Variants in AGBL1 observed in about 807,000 individuals in gnomAD.
AGBL1 encodes AGBL carboxypeptidase 1.
Under a neutral mutation model 118.9 loss-of-function variants are expected in AGBL1, and 130 were observed. The ratio of observed to expected loss-of-function variants is 1.09; its 90% confidence interval spans 0.95 to 1.26. AGBL1 has a LOEUF of 1.26. Ranked by LOEUF, AGBL1 falls within the 50% of genes most tolerant of loss-of-function variation. The pLI is 0.00. For synonymous variants in AGBL1, 555 were observed against 478.9 expected, an observed-to-expected ratio of 1.16 and a Z score of -2.08; for missense variants, 1,584 against 1,298.1, an observed-to-expected ratio of 1.22 and a Z score of -3.38.
At chr15:86,850,551 C>T (rs552608657) in intron 22 of AGBL1, among the ~76,000 whole-genome samples, 1 of 152,308 alleles carries the variant, frequency 6.6e-6, no homozygotes, top group South Asian at 2.1e-4. Flanking sequence ...CCAGATAATT[C>T]TTTCTGCATC....
intron 1 of AGBL1, among the ~76,000 whole-genome samples, chr15:86,117,549 CTCTATTTCACAGA>C (rs1897839611): frequency 6.6e-6 from 1 of 152,142 alleles, no homozygotes; most frequent in Non-Finnish European, 1.5e-5. Flanking sequence ...TAAGAATTAT[CTCTATTTCACAGA>C]TGAGGAAACC....
rs576120885 is a variant in AGBL1 at position 86,224,089 on chromosome 15, C to T, written c.489-825C>T. 3.3e-4 allele frequency among the ~76,000 whole-genome samples: 50 copies of T among 152,282 alleles called. No individual in the cohort carries two copies. The South Asian group carries it at 9.1e-3, about 28-fold the overall frequency. On this transcript the variant is annotated intron_variant, in intron 5 of 22. Transcript: ENST00000614907. The stretch of plus-strand genomic sequence containing the variant: ...TGAGAGAGGTGGTGGAAACAGATCA[C>T]TGCTTAGCAGGCCTTAGGGATAAGT...
chr15:86,721,995 G>T (rs1030207752), intron 22 of AGBL1, among the ~76,000 whole-genome samples: 77 of 151,938 alleles, frequency 5.1e-4, no homozygotes, highest in African/African-American at 1.7e-3. Flanking sequence ...CACTGCTCAA[G>T]GAAATCAAAG....
intron 24 of AGBL1, among the ~76,000 whole-genome samples, chr15:87,027,568 A>C (rs953833540): frequency 3.3e-5 from 5 of 151,894 alleles, no homozygotes; most frequent in African/African-American, 1.2e-4. Context: ...TTCTATTATA[A>C]AGATACATGC....
chr15:86,442,918 C>T (rs2082081239), intron 18 of AGBL1, among the ~76,000 whole-genome samples: 1 of 152,166 alleles, frequency 6.6e-6, no homozygotes, highest in South Asian at 2.1e-4. Context: ...AGAAGGGTTT[C>T]TCCTCCCACC....
intron 21 of AGBL1, among the ~76,000 whole-genome samples, chr15:86,642,385 C>A (rs2085207030): frequency 6.6e-6 from 1 of 151,978 alleles, no homozygotes; most frequent in African/African-American, 2.4e-5. Context: ...TATGGCTTTA[C>A]AATTAAGTGT....
At chr15:86,931,621 T>C (rs570406953) in intron 23 of AGBL1, among the ~76,000 whole-genome samples, 1 of 152,108 alleles carries the variant, frequency 6.6e-6, no homozygotes, top group East Asian at 1.9e-4. Context: ...CTGCTGGTTG[T>C]TGTATTGATC....
intron 22 of AGBL1, among the ~76,000 whole-genome samples, chr15:86,765,088 C>T (rs539527451): frequency 6.6e-6 from 1 of 152,084 alleles, no homozygotes; most frequent in African/African-American, 2.4e-5. Context: ...TGAAACTTAA[C>T]TGCTTCTACA....
At chr15:86,177,675 A>T (rs2077499564) in intron 5 of AGBL1, among the ~76,000 whole-genome samples, 1 of 152,224 alleles carries the variant, frequency 6.6e-6, no homozygotes, top group South Asian at 2.1e-4. Flanking sequence ...AAATTAAATA[A>T]TGTACTTCTA....
chr15:86,281,305 C>G (rs1474023409), intron 16 of AGBL1, among the ~76,000 whole-genome samples: 19 of 152,118 alleles, frequency 1.2e-4, no homozygotes, highest in Admixed American at 1.2e-3. Context: ...ATCACTTGGG[C>G]TCAGGAGGTT....
chr15:86,507,217 C>T (rs1291964117), intron 18 of AGBL1, among the ~76,000 whole-genome samples: 1 of 151,980 alleles, frequency 6.6e-6, no homozygotes, highest in Admixed American at 6.6e-5. Flanking sequence ...AGGAGCTAGA[C>T]CACTGAAAAG....
chr15:86,864,652 A>G (rs1261621966), intron 22 of AGBL1, among the ~76,000 whole-genome samples: 1 of 152,160 alleles, frequency 6.6e-6, no homozygotes, highest in Non-Finnish European at 1.5e-5. Flanking sequence ...CTTAACTACA[A>G]ATGTCATGAC....
At chr15:86,998,684 GAT>G (rs2081402590) in intron 24 of AGBL1, among the ~76,000 whole-genome samples, 1 of 152,152 alleles carries the variant, frequency 6.6e-6, no homozygotes, top group Non-Finnish European at 1.5e-5. Flanking sequence ...ATGGGCAGCT[GAT>G]ATACAGAATC....
intron 22 of AGBL1, among the ~76,000 whole-genome samples, chr15:86,678,538 G>T (rs1178135680): frequency 6.6e-6 from 1 of 151,740 alleles, no homozygotes; most frequent in Non-Finnish European, 1.5e-5. Flanking sequence ...TGTGTTAAAG[G>T]TACTCAACTT....
At chr15:86,804,626 T>C (rs762767235) in intron 22 of AGBL1, among the ~76,000 whole-genome samples, 1 of 152,210 alleles carries the variant, frequency 6.6e-6, no homozygotes, top group Non-Finnish European at 1.5e-5. Flanking sequence ...GCCAGTTCTC[T>C]TGGCTCTGGC....
chr15:86,260,464 T>G (rs547334522), intron 9 of AGBL1, among the ~76,000 whole-genome samples: 2 of 152,310 alleles, frequency 1.3e-5, no homozygotes, highest in South Asian at 4.2e-4. Flanking sequence ...AGCATTAGAT[T>G]CTGACAAACT....
intron 18 of AGBL1, among the ~76,000 whole-genome samples, chr15:86,500,608 AC>A (rs896677282): frequency 0.022 from 3 of 136 alleles, no homozygotes; most frequent in African/African-American, 0.059. Context: ...TCATTCCAGT[AC>A]AATTTTCATC....
chr15:86,108,084 A>G (rs897043566), intron 1 of AGBL1, among the ~76,000 whole-genome samples: 2 of 152,228 alleles, frequency 1.3e-5, no homozygotes, highest in South Asian at 2.1e-4. Flanking sequence ...TATTTTACAT[A>G]CAATTAAACC....
intron 22 of AGBL1, among the ~76,000 whole-genome samples, chr15:86,679,510 A>G (rs1293018318): frequency 6.6e-6 from 1 of 152,058 alleles, no homozygotes; most frequent in Non-Finnish European, 1.5e-5. Flanking sequence ...AGAAAACAGT[A>G]TCATTTATAA....
Sources: gnomAD v4.1 joint callset for allele counts (sites outside exome capture counted in the v4.1 genomes callset) on GRCh38, gnomAD v4.1.1 for gene constraint, MANE v1.5 for transcripts, NCBI Gene and HGNC (gene_info 2026-07-23, HGNC 2026-07-21) for gene names.